The following PTPRG variants were observed in gnomAD, a reference collection of about 807,000 sequenced individuals.
PTPRG encodes protein tyrosine phosphatase receptor type G.
In PTPRG, 102 loss-of-function variants were observed where a neutral mutation model predicts 165.3. The ratio of observed to expected loss-of-function variants is 0.62; its 90% CI spans 0.53 to 0.73. The LOEUF is 0.73. Among genes scored for constraint, PTPRG ranks in the 30% least tolerant of loss-of-function variants. PTPRG has a pLI of 0.00. For missense variants in PTPRG, 1,866 were observed against 1,861.4 expected, an observed-to-expected ratio of 1.00 and a Z score of -0.05; for synonymous variants, 675 against 669.5, an observed-to-expected ratio of 1.01 and a Z score of -0.13.
intron 6 of PTPRG, among the ~76,000 whole-genome samples, chr3:62,135,448 A>G (rs1362836708): frequency 1.3e-5 from 2 of 152,206 alleles, no homozygotes; most frequent in East Asian, 1.9e-4. Context: ...AGAAAAATCA[A>G]TATGGATTTC....
chr3:61,972,658 C>CTT (rs60516628), intron 2 of PTPRG, among the ~76,000 whole-genome samples: 4,474 of 137,708 alleles, frequency 0.032, 135 homozygotes, highest in East Asian at 0.17. Flanking sequence ...TTTTTCTTTT[C>CTT]TTTTTTTTTT....
chr3:61,812,711 C>T (rs559765648), intron 2 of PTPRG, among the ~76,000 whole-genome samples: 3 of 152,322 alleles, frequency 2.0e-5, no homozygotes, highest in South Asian at 2.1e-4. Context: ...ATGTGTGCCC[C>T]GAGGGCTCCT....
At position 62,271,589 on chromosome 3, in the gene PTPRG, G is replaced by A; in HGVS notation, c.3182+34G>A. The A allele has an allele frequency of 6.3e-7, 1 of 1,586,928 alleles. No homozygotes were observed. The highest frequency in any genetic ancestry group is 8.6e-7 in the Non-Finnish European group (1 of 1,165,270). On this transcript the variant is annotated intron_variant, in intron 21 of 29. Coordinates refer to ENST00000474889, the MANE Select transcript of PTPRG (RefSeq NM_002841.4). The surrounding 1 kb of genome is among the most constrained non-coding windows in gnomAD (Gnocchi z 4.1). ...TAGGATTCAACATGTGAAATAGATGGGGCAGGGGACTTAGGCCTCAGTGAC... is the reference window on the plus strand; with the variant it reads ...TAGGATTCAACATGTGAAATAGATGAGGCAGGGGACTTAGGCCTCAGTGAC...
intron 1 of PTPRG, among the ~76,000 whole-genome samples, chr3:61,717,234 A>G (rs1273522310): frequency 1.3e-5 from 2 of 152,214 alleles, no homozygotes; most frequent in Non-Finnish European, 2.9e-5. Context: ...AATAGTAGCA[A>G]TAATAGTAAT....
chr3:62,060,610 C>G (rs1700777373), intron 4 of PTPRG, among the ~76,000 whole-genome samples: 1 of 152,174 alleles, frequency 6.6e-6, no homozygotes, highest in South Asian at 2.1e-4. Context: ...ATCTTGTCAT[C>G]CTGTGCTATG....
chr3:61,669,664 C>A (rs185312219), intron 1 of PTPRG, among the ~76,000 whole-genome samples: 1 of 152,310 alleles, frequency 6.6e-6, no homozygotes, highest in Non-Finnish European at 1.5e-5. Flanking sequence ...CTGCTTGGAA[C>A]TATGCTGCAC....
chr3:62,256,167 C>T (rs1701530825), intron 16 of PTPRG, among the ~76,000 whole-genome samples: 1 of 152,052 alleles, frequency 6.6e-6, no homozygotes, highest in Non-Finnish European at 1.5e-5. Flanking sequence ...TCTCTTTCAA[C>T]AAAATTGGTT....
At chr3:61,745,237 C>T (rs113352290) in intron 1 of PTPRG, among the ~76,000 whole-genome samples, 2,429 of 151,956 alleles carry the variant, frequency 0.016, 71 homozygotes, top group African/African-American at 0.052. Flanking sequence ...TTAGTAGAGA[C>T]GAGGTTTCAC....
At chr3:61,762,385 G>A (rs1399451243) in intron 2 of PTPRG, among the ~76,000 whole-genome samples, 1 of 152,132 alleles carries the variant, frequency 6.6e-6, no homozygotes, top group African/African-American at 2.4e-5. Flanking sequence ...GCTGAGGCGG[G>A]TGGATCACCT....
rs1197962363 is a variant in PTPRG, at chr3:62,254,876, G to A, written c.2468-248G>A. ...TAAATTGCGTTGAATATAAAAATAAGGGGAATTCTCTATGTACCTTTTTTT... is the reference window on the plus strand; with the variant it reads ...TAAATTGCGTTGAATATAAAAATAAAGGGAATTCTCTATGTACCTTTTTTT... On this transcript the variant is annotated intron_variant, in intron 15 of 29. Transcript: ENST00000474889. The surrounding 1 kb of genome is among the most constrained non-coding windows in gnomAD (Gnocchi z 4.6). Among the ~76,000 whole-genome samples, 1 of 152,014 alleles carries A rather than the reference G, an allele frequency of 6.6e-6. No homozygotes were observed.
intron 2 of PTPRG, among the ~76,000 whole-genome samples, chr3:61,939,257 A>T (rs901125740): frequency 1.3e-5 from 2 of 152,212 alleles, no homozygotes; most frequent in East Asian, 3.9e-4. Context: ...GAGGTTTGCA[A>T]AGCTCAGTGG....
chr3:62,269,116 C>G lies in PTPRG; in HGVS notation c.2956C>G (p.His986Asp). ...IIVTLKSTKI[H>D]ACYTVRRFSI... ...TGTCACGCTGAAGAGCACAAAAATA[C>G]ATGCCTGCTACACTGTTCGTCGTTT... The change falls in exon 20 of 30, where the codon CAT (histidine) becomes GAT (aspartate). Residue 986 changes from histidine to aspartate, a missense_variant. His to Asp is a moderately conservative substitution (Grantham distance 81, BLOSUM62 -1). Around this residue, in one of 3 missense-constraint regions of PTPRG, gnomAD observed 1,452 missense variants for 1,463.0 expected, o/e 0.99. Transcript: ENST00000474889. 1 of 1,609,134 alleles carries G rather than the reference C, an allele frequency of 6.2e-7. No individual in the cohort carries two copies. The highest frequency in any genetic ancestry group is 8.5e-7 in the Non-Finnish European group (1 of 1,176,248).
In PTPRG at chr3:62,003,516, C is replaced by T. The variant is rs755287937; in HGVS notation, c.519+19C>T. On this transcript the variant is annotated intron_variant, in intron 4 of 29. Coordinates refer to ENST00000474889, the MANE Select transcript of PTPRG (RefSeq NM_002841.4). Reference sequence around the variant, plus strand: ...TGTTGAGGTGAGAGAAAGTCAAGATCTCAACGTGTAGCTGTGCTTCGGTCT... The same window carrying T: ...TGTTGAGGTGAGAGAAAGTCAAGATTTCAACGTGTAGCTGTGCTTCGGTCT... The T allele has an allele frequency of 3.1e-6, 5 of 1,612,798 alleles. No individual in the cohort carries two copies. In the African/African-American group the frequency reaches 5.3e-5, roughly 17 times the overall value.
intron 2 of PTPRG, among the ~76,000 whole-genome samples, chr3:61,777,569 G>A (rs55875808): frequency 6.6e-6 from 1 of 152,156 alleles, no homozygotes; most frequent in African/African-American, 2.4e-5. Context: ...CATTAACACA[G>A]GACAGTAAAT....
chr3:61,953,513 G>C (rs1013654018), intron 2 of PTPRG, among the ~76,000 whole-genome samples: 49 of 152,130 alleles, frequency 3.2e-4, no homozygotes, highest in African/African-American at 1.1e-3. Flanking sequence ...GTTACCTACG[G>C]GCTCCCTAGT....
At chr3:62,020,760 G>T (rs1211575640) in intron 4 of PTPRG, among the ~76,000 whole-genome samples, 1 of 152,014 alleles carries the variant, frequency 6.6e-6, no homozygotes, top group Non-Finnish European at 1.5e-5. Context: ...TGTCTCCCAG[G>T]CTGGAATACA....
chr3:61,853,928 G>A (rs1384184346), intron 2 of PTPRG, among the ~76,000 whole-genome samples: 1 of 152,050 alleles, frequency 6.6e-6, no homozygotes, highest in Non-Finnish European at 1.5e-5. Flanking sequence ...ATGAATATGT[G>A]GCCATGGCCA....
intron 2 of PTPRG, among the ~76,000 whole-genome samples, chr3:61,895,948 A>C (rs947908064): frequency 6.6e-6 from 1 of 152,210 alleles, no homozygotes; most frequent in African/African-American, 2.4e-5. Context: ...TACTTTGCCT[A>C]GTTTCCCCAA....
rs751787277 is a variant in PTPRG, at chr3:62,203,625, G to A, written c.1830G>A (p.Gly610=). ...EKDSEKKEKS[G]VTHAAEERNQ... The stretch of plus-strand genomic sequence containing the variant: ...ACTCCGAAAAGAAGGAGAAGAGTGG[G>A]GTGACCCACGCTGCCGAGGAGCGGA... Residue 610 remains glycine, a synonymous_variant, in exon 12 of 30, where the codon GGG becomes GGA. Coordinates refer to ENST00000474889, the MANE Select transcript of PTPRG (RefSeq NM_002841.4). The surrounding 1 kb of genome is among the most constrained non-coding windows in gnomAD (Gnocchi z 6.4). The A allele has an allele frequency of 9.0e-6, 14 of 1,554,866 alleles. No homozygotes were observed. The African/African-American group carries it at 1.6e-4, about 18-fold the overall frequency.
Sources: allele counts gnomAD v4.1 joint callset (sites outside exome capture counted in the v4.1 genomes callset), GRCh38; gene constraint gnomAD v4.1.1; regional missense constraint gnomAD v4.1.1; non-coding constraint Gnocchi (gnomAD v3.1); transcripts MANE v1.5; gene names NCBI Gene and HGNC (gene_info 2026-07-23, HGNC 2026-07-21).